TLK2: variants seen among roughly 807,000 people sequenced by gnomAD.
TLK2 encodes tousled like kinase 2, also known as serine/threonine-protein kinase tousled-like 2.
TLK2 carries 6 observed loss-of-function variants against 117.3 expected under a neutral mutation model. The observed-to-expected ratio is 0.05, with a 90% CI of 0.03 to 0.10. TLK2 has a LOEUF of 0.10. TLK2 is among the 10% of genes least tolerant of loss of function. The probability of loss-of-function intolerance (pLI) is 1.00; values close to 1 mark genes in which losing one functional copy is unlikely to be tolerated. For missense variants in TLK2, 299 were observed against 901.2 expected (o/e 0.33, Z 8.56); for synonymous variants, 257 against 316.7 (o/e 0.81, Z 2.00).
chr17:62,513,193 A>G (rs1205124817), intron 2 of TLK2, among the ~76,000 whole-genome samples: 1 of 151,398 alleles, frequency 6.6e-6, no homozygotes, highest in African/African-American at 2.4e-5. Context: ...TTAATATTTT[A>G]TAAGGTGTAA....
chr17:62,476,553 A>C (rs1316585324), upstream of TLK2, among the ~76,000 whole-genome samples: 1 of 151,820 alleles, frequency 6.6e-6, no homozygotes, highest in Admixed American at 6.6e-5. Context: ...ACTGCACTTC[A>C]GCCCGGGCGA....
At chr17:62,602,015 T>C (rs772328218) in intron 18 of TLK2, 27 bp from the exon 19 acceptor site, 5 of 1,602,346 alleles carry the variant, frequency 3.1e-6, no homozygotes, top group Non-Finnish European at 4.3e-6. Context: ...AAGTCTCTGC[T>C]TATTCATGAA....
At chr17:62,498,277 A>G (rs1598216568) in intron 2 of TLK2, among the ~76,000 whole-genome samples, 2 of 152,214 alleles carry the variant, frequency 1.3e-5, no homozygotes, top group African/African-American at 4.8e-5. Context: ...ATCAAAAGTT[A>G]TAATTCCTAG....
intron 12 of TLK2, among the ~76,000 whole-genome samples, chr17:62,576,156 T>G (rs2080769744): frequency 6.6e-6 from 1 of 152,250 alleles, no homozygotes. Context: ...GTATTATCAC[T>G]TGCTGCATTT....
At chr17:62,601,248 G>A (rs533867790) in intron 18 of TLK2, among the ~76,000 whole-genome samples, 1 of 152,068 alleles carries the variant, frequency 6.6e-6, no homozygotes, top group African/African-American at 2.4e-5. Context: ...TCATCTTTTT[G>A]TATGGTTATT....
At chr17:62,499,602 C>G (rs200880148) in intron 2 of TLK2, among the ~76,000 whole-genome samples, 2 of 151,978 alleles carry the variant, frequency 1.3e-5, no homozygotes, top group East Asian at 3.9e-4. Context: ...GTAATCCTAG[C>G]ACTTTGGGAG....
At chr17:62,524,496 G>A (rs1376274) in intron 6 of TLK2, among the ~76,000 whole-genome samples, 165 bp downstream of exon 6, 1 of 152,196 alleles carries the variant, frequency 6.6e-6, no homozygotes, top group Non-Finnish European at 1.5e-5. Flanking sequence ...CAAATCTGTT[G>A]TCAGTAAATT....
chr17:62,576,810 T>G, intron 13 of TLK2, 35 bp downstream of exon 13: 1 of 1,527,418 alleles, frequency 6.5e-7, no homozygotes, highest in African/African-American at 1.4e-5. Context: ...TGGAGAAATG[T>G]GATACCTAGT....
intron 15 of TLK2, among the ~76,000 whole-genome samples, chr17:62,583,603 C>A (rs2081373946): frequency 1.3e-5 from 2 of 152,100 alleles, no homozygotes; most frequent in African/African-American, 2.4e-5. Context: ...GAGACAGAGT[C>A]TCACTCTGTC....
At chr17:62,479,869 A>C (rs890167395) in intron 1 of TLK2, among the ~76,000 whole-genome samples, 2 of 152,166 alleles carry the variant, frequency 1.3e-5, no homozygotes, top group African/African-American at 4.8e-5. Context: ...AGAGACTGCA[A>C]CCTTTGCCAT....
chr17:62,551,377 C>G (rs1416877267), intron 7 of TLK2, among the ~76,000 whole-genome samples: 1 of 152,136 alleles, frequency 6.6e-6, no homozygotes, highest in Non-Finnish European at 1.5e-5. Flanking sequence ...TGTGATGGGT[C>G]ATACTTTGTT....
chr17:62,604,860 C>G (rs1456786393), intron 19 of TLK2, among the ~76,000 whole-genome samples: 1 of 151,022 alleles, frequency 6.6e-6, no homozygotes, highest in Admixed American at 6.6e-5. Context: ...TGGAGCGAGA[C>G]TCTGTCTCAA....
intron 7 of TLK2, among the ~76,000 whole-genome samples, chr17:62,538,243 G>C (rs1187835281): frequency 6.6e-6 from 1 of 151,584 alleles, no homozygotes; most frequent in Non-Finnish European, 1.5e-5. Flanking sequence ...CACCATGTTA[G>C]CCAGGATGGT....
chr17:62,472,254 G>A (rs778583637), intron 1 of TLK2, among the ~76,000 whole-genome samples: 6 of 152,038 alleles, frequency 3.9e-5, no homozygotes, highest in Non-Finnish European at 8.8e-5. Flanking sequence ...TGTAAGCCTC[G>A]TCAGGCCTAG....
chr17:62,538,185 G>A (rs1396786814), intron 7 of TLK2, among the ~76,000 whole-genome samples: 3 of 151,412 alleles, frequency 2.0e-5, no homozygotes, highest in Non-Finnish European at 4.4e-5. Context: ...ACAGGCACCC[G>A]CCACCACGCC....
intron 2 of TLK2, among the ~76,000 whole-genome samples, chr17:62,519,902 A>T (rs918183422): frequency 1.4e-4 from 21 of 152,094 alleles, no homozygotes; most frequent in African/African-American, 5.1e-4. Context: ...TACATCCAGG[A>T]ACCTCTTTCC....
chr17:62,568,795 G>A (rs2080018988), intron 11 of TLK2, among the ~76,000 whole-genome samples: 1 of 151,834 alleles, frequency 6.6e-6, no homozygotes, highest in Non-Finnish European at 1.5e-5. Context: ...ATGTTGGCCA[G>A]GCTGGTCTTG....
chr17:62,500,767 A>G (rs1316905179), intron 2 of TLK2, among the ~76,000 whole-genome samples: 1 of 152,224 alleles, frequency 6.6e-6, no homozygotes. Flanking sequence ...GTCTACTCTG[A>G]CTACAATGGA....
chr17:62,481,509 T>G (rs1376067604), intron 2 of TLK2, among the ~76,000 whole-genome samples: 5 of 152,226 alleles, frequency 3.3e-5, no homozygotes, highest in African/African-American at 1.2e-4. Flanking sequence ...CATATTTTGT[T>G]AAAACTTGTC....
Sources: allele counts gnomAD v4.1 joint callset (sites outside exome capture counted in the v4.1 genomes callset), GRCh38; gene constraint gnomAD v4.1.1; transcripts MANE v1.5; gene names NCBI Gene and HGNC (gene_info 2026-07-23, HGNC 2026-07-21).